The following MEIKIN variants were observed in gnomAD, a reference collection of about 807,000 sequenced individuals.
MEIKIN encodes meiosis-specific kinetochore protein.
chr5:131,826,933 A>G (rs1171873023), intron 11 of MEIKIN, among the ~76,000 whole-genome samples: 1 of 152,232 alleles, frequency 6.6e-6, no homozygotes, highest in Non-Finnish European at 1.5e-5. Flanking sequence ...AATGATAAGA[A>G]ACAAAATAGA....
chr5:131,856,362 C>A (rs775993355), intron 9 of MEIKIN, among the ~76,000 whole-genome samples: 2 of 152,064 alleles, frequency 1.3e-5, no homozygotes, highest in Admixed American at 6.5e-5. Context: ...AACAAAGAAC[C>A]AGCTGTTCCA....
At chr5:131,848,865 C>T (rs1358527989) in intron 11 of MEIKIN, among the ~76,000 whole-genome samples, 2 of 152,030 alleles carry the variant, frequency 1.3e-5, no homozygotes, top group Non-Finnish European at 2.9e-5. Context: ...GATGGTTCAA[C>T]ATACAAAAGC....
intron 11 of MEIKIN, among the ~76,000 whole-genome samples, chr5:131,828,702 TTA>T (rs1422205471): frequency 6.6e-6 from 1 of 152,152 alleles, no homozygotes; most frequent in African/African-American, 2.4e-5. Context: ...TTCTACCACA[TTA>T]TATAGAAAAA....
chr5:131,918,540 T>G (rs1351530696), intron 6 of MEIKIN, among the ~76,000 whole-genome samples: 1 of 152,218 alleles, frequency 6.6e-6, no homozygotes, highest in African/African-American at 2.4e-5. Flanking sequence ...CTCAATGTTC[T>G]TTGACTAATA....
At chr5:131,941,151 T>C (rs1299332549) in intron 4 of MEIKIN, among the ~76,000 whole-genome samples, 1 of 122,292 alleles carries the variant, frequency 8.2e-6, no homozygotes, top group African/African-American at 3.4e-5. Context: ...CCTTTTTTTT[T>C]TTTTTTTTTT....
chr5:131,818,150 C>T (rs1048874938), intron 12 of MEIKIN, among the ~76,000 whole-genome samples: 3 of 152,040 alleles, frequency 2.0e-5, no homozygotes, highest in Non-Finnish European at 4.4e-5. Context: ...ATTATAAAGT[C>T]GTAATGAAAT....
intron 8 of MEIKIN, among the ~76,000 whole-genome samples, chr5:131,896,533 T>A (rs950976643): frequency 1.5e-4 from 23 of 152,192 alleles, no homozygotes; most frequent in African/African-American, 5.1e-4. Flanking sequence ...TTTGTAGGTC[T>A]CTAAGGACTT....
At chr5:131,871,455 C>A (rs1036544981) in intron 9 of MEIKIN, among the ~76,000 whole-genome samples, 1 of 152,162 alleles carries the variant, frequency 6.6e-6, no homozygotes, top group South Asian at 2.1e-4. Flanking sequence ...GGGGGAGGGG[C>A]GCCCGCCATT....
At chr5:131,889,786 T>C (rs1305693069) in intron 8 of MEIKIN, among the ~76,000 whole-genome samples, 1 of 152,252 alleles carries the variant, frequency 6.6e-6, no homozygotes, top group Non-Finnish European at 1.5e-5. Context: ...CTTTGGCTTG[T>C]GCCAGTTTTC....
intron 11 of MEIKIN, among the ~76,000 whole-genome samples, chr5:131,839,771 C>G (rs1561728484): frequency 6.6e-6 from 1 of 152,194 alleles, no homozygotes; most frequent in Admixed American, 6.5e-5. Context: ...CTCTTGGAGA[C>G]AGCATACTGT....
chr5:131,818,550 T>C (rs1270294630), intron 12 of MEIKIN, among the ~76,000 whole-genome samples, 190 bp downstream of exon 12: 1 of 152,108 alleles, frequency 6.6e-6, no homozygotes. Flanking sequence ...CTATCCAAAG[T>C]GCTGGGATTA....
chr5:131,931,151 T>C (rs943891672), intron 5 of MEIKIN, among the ~76,000 whole-genome samples: 3 of 152,240 alleles, frequency 2.0e-5, no homozygotes, highest in Non-Finnish European at 4.4e-5. Flanking sequence ...CTCAAATCTT[T>C]GTGCTAGTCC....
At chr5:131,900,628 G>C (rs188700727) in intron 8 of MEIKIN, among the ~76,000 whole-genome samples, 4 of 152,256 alleles carry the variant, frequency 2.6e-5, no homozygotes, top group Admixed American at 2.0e-4. Context: ...TAGCCCTAGG[G>C]GAACTGTTGG....
At chr5:131,864,110 TCATTC>T (rs1479113082) in intron 9 of MEIKIN, among the ~76,000 whole-genome samples, 11 of 152,370 alleles carry the variant, frequency 7.2e-5, no homozygotes, top group Admixed American at 7.2e-4. Flanking sequence ...GTTTTTTTAA[TCATTC>T]AGCCAGTCTA....
intron 8 of MEIKIN, among the ~76,000 whole-genome samples, chr5:131,898,214 G>T (rs1751087294): frequency 6.6e-6 from 1 of 152,164 alleles, no homozygotes; most frequent in South Asian, 2.1e-4. Flanking sequence ...GACCCTATTT[G>T]CCTGGGTATC....
intron 9 of MEIKIN, among the ~76,000 whole-genome samples, chr5:131,857,904 A>G (rs1750223219): frequency 1.3e-5 from 2 of 152,214 alleles, no homozygotes; most frequent in African/African-American, 4.8e-5. Flanking sequence ...TGTGGCCTGC[A>G]TGAGGGTGTG....
chr5:131,921,560 G>A (rs901205603), intron 6 of MEIKIN, among the ~76,000 whole-genome samples: 11 of 151,644 alleles, frequency 7.3e-5, no homozygotes, highest in African/African-American at 2.7e-4. Context: ...GGGAGGCTGA[G>A]GCAGGAGAAC....
At chr5:131,862,101 A>ACTT (rs1750295656) in intron 9 of MEIKIN, among the ~76,000 whole-genome samples, 1 of 151,916 alleles carries the variant, frequency 6.6e-6, no homozygotes, top group African/African-American at 2.4e-5. Flanking sequence ...TTATTGGGAG[A>ACTT]CTTTTTATTA....
chr5:131,913,259 G>A (rs1274005554), intron 7 of MEIKIN, among the ~76,000 whole-genome samples: 1 of 152,148 alleles, frequency 6.6e-6, no homozygotes, highest in South Asian at 2.1e-4. Context: ...GTCATATTGG[G>A]CATAATCCCT....
Sources: allele counts gnomAD v4.1 joint callset (sites outside exome capture counted in the v4.1 genomes callset), GRCh38; gene constraint gnomAD v4.1.1; transcripts MANE v1.5; gene names NCBI Gene and HGNC (gene_info 2026-07-23, HGNC 2026-07-21).